FOXP2: variants seen among roughly 807,000 people sequenced by gnomAD.
The protein encoded by FOXP2 is forkhead box protein P2.
In FOXP2, 12 loss-of-function variants were observed where a neutral mutation model predicts 115.8. The ratio of observed to expected loss-of-function variants is 0.10; its 90% CI spans 0.07 to 0.17. The LOEUF (loss-of-function observed/expected upper bound fraction) is 0.17, where lower values mean the gene tolerates loss of function less well. Ranked by LOEUF, FOXP2 falls within the 10% of genes least tolerant of loss-of-function variation. FOXP2 has a pLI of 1.00. For synonymous variants in FOXP2, 328 were observed against 297.7 expected, an observed-to-expected ratio of 1.10 and a Z score of -1.05; for missense variants, 629 against 843.5, an observed-to-expected ratio of 0.75 and a Z score of 3.15.
chr7:114,233,650 C>T (rs1036617539), intron 1 of FOXP2, among the ~76,000 whole-genome samples: 55 of 152,258 alleles, frequency 3.6e-4, no homozygotes, highest in African/African-American at 1.3e-3. Context: ...ACAATTGCTT[C>T]CACAATTGAC....
At chr7:114,594,613 T>C (rs567005770) in intron 3 of FOXP2, among the ~76,000 whole-genome samples, 1 of 152,092 alleles carries the variant, frequency 6.6e-6, no homozygotes, top group Admixed American at 6.6e-5. Context: ...TTCTATTCAT[T>C]TGACTAAAAC....
At chr7:114,492,938 C>T (rs1797136109) in intron 2 of FOXP2, among the ~76,000 whole-genome samples, 1 of 152,128 alleles carries the variant, frequency 6.6e-6, no homozygotes, top group Non-Finnish European at 1.5e-5. Flanking sequence ...CCGCTTGGTG[C>T]AGAGCTGAGT....
rs144432641 is a variant in FOXP2, at chr7:114,176,086, G to A, written c.-102+12998G>A. 2.0e-3 allele frequency among the ~76,000 whole-genome samples: 310 copies of A among 151,986 alleles called. 4 individuals carry two copies. The highest frequency in any genetic ancestry group is 7.1e-3 in the African/African-American group (295 of 41,454). ...GGGGATTTTAAAATTTATATTAGCAGCATCATATCAAATCTACCTCTGAAA... is the reference window on the plus strand; with the variant it reads ...GGGGATTTTAAAATTTATATTAGCAACATCATATCAAATCTACCTCTGAAA... On this transcript the variant is annotated intron_variant, in intron 1 of 17. Transcript: ENST00000634411.
At chr7:114,466,088 C>T (rs1584770368) in intron 2 of FOXP2, among the ~76,000 whole-genome samples, 1 of 152,140 alleles carries the variant, frequency 6.6e-6, no homozygotes, top group Non-Finnish European at 1.5e-5. Flanking sequence ...TCTTCTTGTT[C>T]CTAGATCTCA....
At chr7:114,252,382 TGTACCTCTGGTG>T (rs1795472770) in intron 1 of FOXP2, among the ~76,000 whole-genome samples, 1 of 152,206 alleles carries the variant, frequency 6.6e-6, no homozygotes, top group African/African-American at 2.4e-5. Context: ...AGCTCCTCCT[TGTACCTCTGGTG>T]GAATTCGGCT....
At chr7:114,342,566 T>C (rs1791243952) in intron 2 of FOXP2, among the ~76,000 whole-genome samples, 1 of 151,352 alleles carries the variant, frequency 6.6e-6, no homozygotes, top group Non-Finnish European at 1.5e-5. Context: ...TGACACCCAT[T>C]TTGAAGGCTT....
chr7:114,473,268 A>G (rs1796123294), intron 2 of FOXP2, among the ~76,000 whole-genome samples: 1 of 152,144 alleles, frequency 6.6e-6, no homozygotes, highest in Non-Finnish European at 1.5e-5. Flanking sequence ...TAGGTTCAGT[A>G]GTCTAAATAT....
chr7:114,383,444 CA>C (rs1332019872), intron 2 of FOXP2, among the ~76,000 whole-genome samples: 1 of 151,984 alleles, frequency 6.6e-6, no homozygotes, highest in Non-Finnish European at 1.5e-5. Flanking sequence ...GGGAAGGAGT[CA>C]GGGGGATGCT....
intron 1 of FOXP2, among the ~76,000 whole-genome samples, chr7:114,134,995 T>C (rs1031896576): frequency 6.6e-6 from 1 of 152,230 alleles, no homozygotes; most frequent in African/African-American, 2.4e-5. Context: ...TTCACTGTTA[T>C]AAATAAAGCT....
Position 114,281,094 on chromosome 7 carries a change from A to AT in FOXP2, c.-101-6925_-101-6924insT, listed in dbSNP as rs1796324704. Among the ~76,000 whole-genome samples, 22 of 125,324 alleles carry AT rather than the reference A, an allele frequency of 1.8e-4. No individual in the cohort carries two copies. The South Asian group carries it at 5.9e-3, about 34-fold the overall frequency. 82.2% of individuals were successfully genotyped at this position (125,324 alleles called of 152,430 possible). A position where few individuals can be genotyped will look rare whatever the true frequency, so the allele number is the denominator to read the frequency against. ...TGAGAAAGGCTTTTTATGCAATTTGAATTTTTTTTTTTTTTTTTTTTTTTT... is the reference window on the plus strand; with the variant it reads ...TGAGAAAGGCTTTTTATGCAATTTGATATTTTTTTTTTTTTTTTTTTTTTTT... On this transcript the variant is annotated intron_variant, in intron 1 of 17. Transcript: ENST00000634411.
intron 5 of FOXP2, among the ~76,000 whole-genome samples, 193 bp from the exon 6 acceptor site, chr7:114,631,335 T>C (rs1804909111): frequency 6.6e-6 from 1 of 152,166 alleles, no homozygotes; most frequent in Non-Finnish European, 1.5e-5. Context: ...CTTGGTTCTC[T>C]AACACGATTT....
intron 2 of FOXP2, among the ~76,000 whole-genome samples, chr7:114,333,993 G>T (rs1797777966): frequency 6.6e-6 from 1 of 152,100 alleles, no homozygotes; most frequent in Non-Finnish European, 1.5e-5. Flanking sequence ...AATTTGGAGT[G>T]TTGTACTACA....
At chr7:114,446,914 A>G (rs1794860064) in intron 2 of FOXP2, among the ~76,000 whole-genome samples, 1 of 151,642 alleles carries the variant, frequency 6.6e-6, no homozygotes, top group Non-Finnish European at 1.5e-5. Flanking sequence ...ACACCTGGCT[A>G]ATTTTTGTTT....
At chr7:114,426,480 G>C (rs746614058) in intron 1 of FOXP2, 22 bp from the exon 2 acceptor site, 2 of 1,607,506 alleles carry the variant, frequency 1.2e-6, no homozygotes, top group East Asian at 4.5e-5. Context: ...TGTGTTAATT[G>C]ATACTTCTTA....
chr7:114,527,967 T>A (rs1798953209), intron 2 of FOXP2, among the ~76,000 whole-genome samples: 1 of 152,110 alleles, frequency 6.6e-6, no homozygotes, highest in Non-Finnish European at 1.5e-5. Flanking sequence ...TCTTCATCCC[T>A]TATCTATCCT....
rs377678121 is a variant in FOXP2 at position 114,562,865 on chromosome 7, C to T, written c.258+28159C>T. ...TGACACATTATACCTTGTTTTCTTT[C>T]CTTACTACCTGTATTACTCTGTCCT... is the stretch of plus-strand genomic sequence containing the variant. On this transcript the variant is annotated intron_variant, in intron 3 of 16. Transcript: ENST00000350908. Among the ~76,000 whole-genome samples, 18 of 151,942 alleles carry T rather than the reference C, an allele frequency of 1.2e-4. No homozygotes were observed. In the East Asian group the frequency reaches 3.1e-3, roughly 26 times the overall value.
chr7:114,324,236 C>A (rs965827514), intron 2 of FOXP2, among the ~76,000 whole-genome samples: 1 of 151,664 alleles, frequency 6.6e-6, no homozygotes, highest in Non-Finnish European at 1.5e-5. Context: ...TGACCATATC[C>A]CAGTCTCTTT....
At chr7:114,242,474 A>G (rs977960774) in intron 1 of FOXP2, among the ~76,000 whole-genome samples, 4 of 152,034 alleles carry the variant, frequency 2.6e-5, no homozygotes, top group African/African-American at 9.7e-5. Context: ...ATATCCCCAT[A>G]ACCATTCTTT....
At chr7:114,221,153 A>T (rs1365717392) in intron 1 of FOXP2, among the ~76,000 whole-genome samples, 2 of 152,162 alleles carry the variant, frequency 1.3e-5, no homozygotes, top group African/African-American at 4.8e-5. Flanking sequence ...GGTTTCTATG[A>T]TTTTAATTTT....
Sources: allele counts gnomAD v4.1 joint callset (sites outside exome capture counted in the v4.1 genomes callset), GRCh38; gene constraint gnomAD v4.1.1; transcripts MANE v1.5; gene names NCBI Gene and HGNC (gene_info 2026-07-23, HGNC 2026-07-21).